The following PDE4D variants were observed in gnomAD, a reference collection of about 807,000 sequenced individuals.
PDE4D encodes phosphodiesterase 4D, also known as 3',5'-cyclic-AMP phosphodiesterase 4D.
PDE4D carries 24 observed loss-of-function variants against 87.4 expected under a neutral mutation model. The ratio of observed to expected loss-of-function variants is 0.27; its 90% CI spans 0.20 to 0.39. The LOEUF is 0.39. Among genes scored for constraint, PDE4D ranks in the 10% least tolerant of loss-of-function variants. The pLI, the probability that PDE4D is intolerant of heterozygous loss-of-function variation, is 1.00. For missense variants in PDE4D, 714 were observed against 1,041.0 expected (o/e 0.69, Z 4.32); for synonymous variants, 384 against 383.2 (o/e 1.00, Z -0.02).
intron 1 of PDE4D, among the ~76,000 whole-genome samples, chr5:60,382,918 T>C (rs1256914752): frequency 1.3e-5 from 2 of 152,152 alleles, no homozygotes; most frequent in Non-Finnish European, 2.9e-5. Flanking sequence ...TAGGGTCAAG[T>C]TGTTGAGAAA....
At chr5:59,986,597 A>G (rs1762479435) in intron 3 of PDE4D, 1 of 152,188 alleles carries the variant, frequency 6.6e-6, no homozygotes, top group African/African-American at 2.4e-5. Context: ...TTCTAAGATA[A>G]CCTGGTGTGT....
At chr5:59,903,706 G>T (rs1340474674) in intron 3 of PDE4D, among the ~76,000 whole-genome samples, 1 of 152,146 alleles carries the variant, frequency 6.6e-6, no homozygotes, top group Non-Finnish European at 1.5e-5. Context: ...GCACACAGAA[G>T]ATGGTAACTC....
At chr5:60,221,316 A>G (rs138323867) in intron 1 of PDE4D, among the ~76,000 whole-genome samples, 1 of 152,260 alleles carries the variant, frequency 6.6e-6, no homozygotes, top group East Asian at 1.9e-4. Context: ...GGAGATTATA[A>G]ATATAAAAAT....
intron 2 of PDE4D, among the ~76,000 whole-genome samples, chr5:60,110,434 T>C (rs1368854147): frequency 6.6e-6 from 1 of 151,820 alleles, no homozygotes; most frequent in African/African-American, 2.4e-5. Flanking sequence ...ACATCACTAA[T>C]CATCAAAACC....
intron 1 of PDE4D, among the ~76,000 whole-genome samples, chr5:60,256,824 C>G (rs539220044): frequency 6.6e-6 from 1 of 152,006 alleles, no homozygotes; most frequent in African/African-American, 2.4e-5. Context: ...AATGTATGTG[C>G]AAACATACTG....
At chr5:58,992,746 T>C (rs537924932) in intron 7 of PDE4D, among the ~76,000 whole-genome samples, 20 of 152,302 alleles carry the variant, frequency 1.3e-4, no homozygotes, top group African/African-American at 3.8e-4. Flanking sequence ...TCCTTATATA[T>C]AGAACATATT....
intron 1 of PDE4D, among the ~76,000 whole-genome samples, chr5:60,341,334 T>C (rs540549474): frequency 2.6e-5 from 4 of 152,298 alleles, no homozygotes; most frequent in African/African-American, 9.6e-5. Context: ...GGGCTCCTCC[T>C]GCTGCTCTCC....
Position 59,472,924 on chromosome 5 carries a change from TCTTA to T in PDE4D, c.456-256960_456-256957del, listed in dbSNP as rs759968877. Among the ~76,000 whole-genome samples the T allele has an allele frequency of 3.3e-5, 5 of 152,054 alleles. No individual in the cohort carries two copies. The East Asian group carries it at 7.7e-4, about 23-fold the overall frequency. ...GCAGATTGTAGGAAAAAGATTACTT[TCTTA>T]CTTACATAAGATCCTCTCTCTTTAA... On this transcript the variant is annotated intron_variant, in intron 1 of 14. Coordinates refer to ENST00000340635, the MANE Select transcript of PDE4D (RefSeq NM_001104631.2).
Position 60,518,686 on chromosome 5 carries a change from C to G in PDE4D, n.70+3365G>C, listed in dbSNP as rs144409828. On this transcript the variant is annotated intron_variant and non_coding_transcript_variant, in intron 1 of 2. Transcript: ENST00000506510. The stretch of plus-strand genomic sequence containing the variant: ...TTGTGTATGGTATTTGTGGAAATGC[C>G]TGGTGTTATTTTTTTTTCTTCAAGA... Among the ~76,000 whole-genome samples, 274 of 152,246 alleles carry G rather than the reference C, an allele frequency of 1.8e-3. 1 individual carries two copies. Among genetic ancestry groups the G allele is most frequent in the African/African-American group, 5.8e-3 (242 of 41,542 alleles).
intron 1 of PDE4D, among the ~76,000 whole-genome samples, chr5:59,674,615 A>C (rs1747763377): frequency 6.6e-6 from 1 of 152,180 alleles, no homozygotes; most frequent in South Asian, 2.1e-4. Context: ...ATTCTTTAAA[A>C]TCTTGAGTAT....
At chr5:59,909,131 T>C (rs929388766) in intron 3 of PDE4D, among the ~76,000 whole-genome samples, 2 of 152,204 alleles carry the variant, frequency 1.3e-5, no homozygotes, top group African/African-American at 4.8e-5. Context: ...CTAGGTCTTA[T>C]CAATTCTTCC....
intron 1 of PDE4D, among the ~76,000 whole-genome samples, chr5:60,234,556 C>G (rs978676915): frequency 6.6e-6 from 1 of 151,760 alleles, no homozygotes; most frequent in African/African-American, 2.4e-5. Flanking sequence ...TTTTATATTA[C>G]CACCAACAAT....
intron 1 of PDE4D, among the ~76,000 whole-genome samples, chr5:59,343,954 A>G (rs1425185543): frequency 6.6e-6 from 1 of 152,172 alleles, no homozygotes; most frequent in African/African-American, 2.4e-5. Context: ...TTTGAATGCA[A>G]CCTAACAAAA....
intron 1 of PDE4D, among the ~76,000 whole-genome samples, chr5:59,542,727 T>C (rs919360283): frequency 7.9e-5 from 12 of 152,138 alleles, no homozygotes; most frequent in Non-Finnish European, 1.8e-4. Context: ...AAACATATAA[T>C]CAATTCATAG....
chr5:59,900,308 C>T (rs1200205090), intron 3 of PDE4D, among the ~76,000 whole-genome samples: 1 of 149,626 alleles, frequency 6.7e-6, no homozygotes, highest in Admixed American at 6.7e-5. Context: ...ACACTATTTA[C>T]TTAAAATGTC....
intron 2 of PDE4D, among the ~76,000 whole-genome samples, chr5:59,994,293 G>A (rs1371769493): frequency 6.7e-6 from 1 of 150,160 alleles, no homozygotes; most frequent in Non-Finnish European, 1.5e-5. Context: ...CCCTTAAGAT[G>A]TGTGTGTGTG....
At chr5:59,732,742 C>T (rs1022040556) in intron 1 of PDE4D, among the ~76,000 whole-genome samples, 81 of 151,948 alleles carry the variant, frequency 5.3e-4, no homozygotes, top group African/African-American at 2.0e-3. Flanking sequence ...AAAATTGGAG[C>T]TAATTAAATA....
intron 1 of PDE4D, among the ~76,000 whole-genome samples, chr5:60,441,874 TCAAA>T (rs1745249462): frequency 6.6e-6 from 1 of 151,626 alleles, no homozygotes. Context: ...GAAACGCAAA[TCAAA>T]ACCACAATGA....
At chr5:59,584,415 CACAACA>C (rs752732811) in intron 1 of PDE4D, among the ~76,000 whole-genome samples, 1 of 152,058 alleles carries the variant, frequency 6.6e-6, no homozygotes, top group African/African-American at 2.4e-5. Context: ...TTAGTTTGGC[CACAACA>C]ACAACAACAG....
Sources: gnomAD v4.1 joint callset for allele counts (sites outside exome capture counted in the v4.1 genomes callset) on GRCh38, gnomAD v4.1.1 for gene constraint, MANE v1.5 for transcripts, NCBI Gene and HGNC (gene_info 2026-07-23, HGNC 2026-07-21) for gene names.